Variants in CCDC185 observed in about 807,000 individuals in gnomAD.
CCDC185 encodes the protein coiled-coil domain containing 185.
For synonymous variants in CCDC185, 381 were observed against 348.1 expected, an observed-to-expected ratio of 1.09 and a Z score of -1.05; for missense variants, 982 against 825.3, an observed-to-expected ratio of 1.19 and a Z score of -2.33.
rs573602264 is a variant in CCDC185, at chr1:223,394,665, T to C, written c.1190T>C (p.Leu397Pro). 5 of 1,612,846 alleles carry C rather than the reference T, an allele frequency of 3.1e-6. No homozygotes were observed. In the African/African-American group the frequency reaches 6.7e-5, roughly 22 times the overall value. Reference sequence around the variant, plus strand: ...CTCCGGGAGCAGCACAGCCTGCAGCTGCAGAGGAGGCTGGTGGAAGCCTGT... The same window carrying C: ...CTCCGGGAGCAGCACAGCCTGCAGCCGCAGAGGAGGCTGGTGGAAGCCTGT... ...RNLREQHSLQ[L>P]QRRLVEACRK... Residue 397 changes from leucine to proline, a missense_variant, in exon 1 of 1, where the codon CTG (leucine) becomes CCG (proline). Coordinates refer to ENST00000366875, the MANE Select transcript of CCDC185 (RefSeq NM_152610.3).
rs1203437176 is a variant in CCDC185 at position 223,395,332 on chromosome 1, G to A, written c.1857G>A (p.Gln619=). Residue 619 remains glutamine, a synonymous_variant, in exon 1 of 1, where the codon CAG becomes CAA. Coordinates refer to ENST00000366875, the MANE Select transcript of CCDC185 (RefSeq NM_152610.3). ...VLEAQLRACQ[Q]NRGY Reference sequence around the variant, plus strand: ...AGGCCCAGCTCCGTGCCTGTCAGCAGAACAGGGGTTACTGAGAACCAAGGA... The same window carrying A: ...AGGCCCAGCTCCGTGCCTGTCAGCAAAACAGGGGTTACTGAGAACCAAGGA... 4 of 1,516,900 alleles carry A rather than the reference G, an allele frequency of 2.6e-6. No individual in the cohort carries two copies. The highest frequency in any genetic ancestry group is 2.6e-6 in the Non-Finnish European group (3 of 1,135,692). The allele number at this position is 1,516,900 out of a possible 1,614,324, so 94.0% of individuals were successfully genotyped here.
In CCDC185 at chr1:223,394,540, C is replaced by A; in HGVS notation, c.1065C>A (p.Ser355Arg). ...AGGAGCAACCAGAGGACCAGGAGAG[C>A]CCGCGCCAGGAGAAGCTGGAGAAGG... is the stretch of plus-strand genomic sequence containing the variant. ...RWKEQPEDQE[S>R]PRQEKLEKAR... The change falls in exon 1 of 1, where the codon AGC becomes AGA. Residue 355 changes from serine (S) to arginine (R), a missense_variant. Coordinates refer to ENST00000366875, the MANE Select transcript of CCDC185 (RefSeq NM_152610.3). 2.5e-6 allele frequency: 4 copies of A among 1,599,256 alleles called. No individual in the cohort carries two copies. The highest frequency in any genetic ancestry group is 1.1e-5 in the South Asian group (1 of 89,302).
In CCDC185 at chr1:223,393,896, G is replaced by A; in HGVS notation, c.421G>A (p.Ala141Thr). 1 of 1,611,014 alleles carries A rather than the reference G, an allele frequency of 6.2e-7. No individual in the cohort carries two copies. The highest frequency in any genetic ancestry group is 8.5e-7 in the Non-Finnish European group (1 of 1,179,150). Residue 141 changes from alanine (A) to threonine (T), a missense_variant, in exon 1 of 1, where the codon GCC becomes ACC. By Grantham distance (58) the Ala-to-Thr change is moderately conservative. Coordinates refer to ENST00000366875, the MANE Select transcript of CCDC185 (RefSeq NM_152610.3). The surrounding 1 kb of genome is among the most constrained non-coding windows in gnomAD (Gnocchi z 4.8). ...RPQPCPHYPL[A>T]QGDSPPPCPG... Reference sequence around the variant, plus strand: ...GCAGCCCTGCCCGCATTACCCTCTGGCCCAGGGAGACTCGCCCCCGCCTTG... The same window carrying A: ...GCAGCCCTGCCCGCATTACCCTCTGACCCAGGGAGACTCGCCCCCGCCTTG...
Position 223,395,072 on chromosome 1 carries a change from C to T in CCDC185, c.1597C>T (p.Arg533Trp), listed in dbSNP as rs769968225. ...KTTRDKVQHL[R>W]ELNHLREKNH... is the part of the protein sequence containing the mutation. ...CACTAGGGACAAGGTGCAGCACCTC[C>T]GGGAGCTCAACCACCTGAGGGAGAA... The change falls in exon 1 of 1, where the codon CGG (arginine) becomes TGG (tryptophan). Residue 533 changes from arginine (R) to tryptophan (W), a missense_variant. Transcript: ENST00000366875. 8.7e-6 allele frequency: 14 copies of T among 1,614,102 alleles called. No individual in the cohort carries two copies. The highest frequency in any genetic ancestry group is 1.6e-4 in the Middle Eastern group (1 of 6,062).
Position 223,394,823 on chromosome 1 carries a change from C to T in CCDC185, c.1348C>T (p.Leu450=), listed in dbSNP as rs1572167654. The stretch of plus-strand genomic sequence containing the variant: ...CAAGGCTGAGGAGCTCCTTAGGCAG[C>T]TGTCCCTGGAACAAAGTTTCCAGCG... ...QAKAEELLRQ[L]SLEQSFQRSQ... is the part of the protein sequence containing the mutation. The change falls in exon 1 of 1, where the codon CTG becomes TTG. Residue 450 remains leucine, a synonymous_variant. Coordinates refer to ENST00000366875, the MANE Select transcript of CCDC185 (RefSeq NM_152610.3). 1 of 1,613,702 alleles carries T rather than the reference C, an allele frequency of 6.2e-7. No homozygotes were observed. Among genetic ancestry groups the T allele is most frequent in the Non-Finnish European group, 8.5e-7 (1 of 1,179,716 alleles).
At position 223,394,997 on chromosome 1, in the gene CCDC185, G is replaced by A; in HGVS notation, c.1522G>A (p.Glu508Lys). 1 of 1,614,062 alleles carries A rather than the reference G, an allele frequency of 6.2e-7. No individual in the cohort carries two copies. The highest frequency in any genetic ancestry group is 8.5e-7 in the Non-Finnish European group (1 of 1,180,008). The change falls in exon 1 of 1, where the codon GAG becomes AAG. Residue 508 changes from glutamate (E) to lysine (K), a missense_variant. By Grantham distance (56) the Glu-to-Lys change is moderately conservative (BLOSUM62 1). Coordinates refer to ENST00000366875, the MANE Select transcript of CCDC185 (RefSeq NM_152610.3). ...QRKMRKRILV[E>K]LADEKIRQAR... Reference sequence around the variant, plus strand: ...GAAGATGCGCAAAAGAATTCTGGTGGAGCTGGCGGATGAGAAGATCCGACA... The same window carrying A: ...GAAGATGCGCAAAAGAATTCTGGTGAAGCTGGCGGATGAGAAGATCCGACA...
Position 223,395,154 on chromosome 1 carries a change from G to A in CCDC185, c.1679G>A (p.Gly560Asp), listed in dbSNP as rs746127816. ...AAGGAGGAAAAGTGTCACATTGAGG[G>A]CATCAAGGAGGCCATTAAGAAAAAG... ...AEKEEKCHIE[G>D]IKEAIKKKEQ... The change falls in exon 1 of 1, where the codon GGC (glycine) becomes GAC (aspartate). Residue 560 changes from glycine (G) to aspartate (D), a missense_variant. By Grantham distance (94) the Gly-to-Asp change is moderately conservative. Coordinates refer to ENST00000366875, the MANE Select transcript of CCDC185 (RefSeq NM_152610.3). 8 of 1,613,958 alleles carry A rather than the reference G, an allele frequency of 5.0e-6. 1 individual carries two copies. In the South Asian group the frequency reaches 5.5e-5, roughly 11 times the overall value.
In CCDC185 at chr1:223,394,754, C is replaced by G. The variant is rs1424517330; in HGVS notation, c.1279C>G (p.Leu427Val). 2 of 1,612,058 alleles carry G rather than the reference C, an allele frequency of 1.2e-6. No individual in the cohort carries two copies. The highest frequency in any genetic ancestry group is 1.7e-6 in the Non-Finnish European group (2 of 1,178,742). The change falls in exon 1 of 1, where the codon CTC (leucine) becomes GTC (valine). Residue 427 changes from leucine (L) to valine (V), a missense_variant. By Grantham distance (32) the Leu-to-Val change is conservative. Coordinates refer to ENST00000366875, the MANE Select transcript of CCDC185 (RefSeq NM_152610.3). ...KKVQDTNLSSLINYQARKVLM... is the reference protein window; with the variant it reads ...KKVQDTNLSSVINYQARKVLM... ...GGTCCAGGACACCAACCTGAGCTCC[C>G]TCATCAATTACCAGGCCCGGAAGGT...
rs1408264347 is a variant in CCDC185, at chr1:223,394,685, G to A, written c.1210G>A (p.Ala404Thr). The change falls in exon 1 of 1, where the codon GCC becomes ACC. Residue 404 changes from alanine to threonine, a missense_variant. By Grantham distance (58) the Ala-to-Thr change is moderately conservative (BLOSUM62 0). Transcript: ENST00000366875. ...SLQLQRRLVE[A>T]CRKRHLHAVE... ...GCAGCTGCAGAGGAGGCTGGTGGAA[G>A]CCTGTCGCAAGAGGCACCTACATGC... is the stretch of plus-strand genomic sequence containing the variant. 4.3e-6 allele frequency: 7 copies of A among 1,612,448 alleles called. No homozygotes were observed. The highest frequency in any genetic ancestry group is 5.9e-6 in the Non-Finnish European group (7 of 1,179,696).
Position 223,393,590 on chromosome 1 carries a change from G to C in CCDC185, c.115G>C (p.Asp39His), listed in dbSNP as rs369050079. The C allele has an allele frequency of 2.4e-5, 36 of 1,531,558 alleles. No individual in the cohort carries two copies. Among genetic ancestry groups the C allele is most frequent in the Middle Eastern group, 4.1e-4 (2 of 4,904 alleles). The allele number at this position is 1,531,558 out of a possible 1,614,324, so 94.9% of individuals were successfully genotyped here. ...QRLGGQRSGA[D>H]STACSRAGTP... Reference sequence around the variant, plus strand: ...GCTGGGCGGGCAGAGGTCCGGAGCCGACTCCACCGCGTGCTCCCGGGCCGG... The same window carrying C: ...GCTGGGCGGGCAGAGGTCCGGAGCCCACTCCACCGCGTGCTCCCGGGCCGG... The change falls in exon 1 of 1, where the codon GAC becomes CAC. Residue 39 changes from aspartate (D) to histidine (H), a missense_variant. By Grantham distance (81) the Asp-to-His change is moderately conservative (BLOSUM62 -1). Coordinates refer to ENST00000366875, the MANE Select transcript of CCDC185 (RefSeq NM_152610.3). This position sits in a 1 kb window ranked among gnomAD's most constrained non-coding sequence, Gnocchi z 4.8.
In CCDC185 at chr1:223,394,244, C is replaced by G. The variant is rs556677048; in HGVS notation, c.769C>G (p.Gln257Glu). Residue 257 changes from glutamine to glutamate, a missense_variant, in exon 1 of 1, where the codon CAG (glutamine) becomes GAG (glutamate). By Grantham distance (29) the Gln-to-Glu change is conservative (BLOSUM62 2). Coordinates refer to ENST00000366875, the MANE Select transcript of CCDC185 (RefSeq NM_152610.3). ...AGAGGTGGTGGTGTCCTCCCAGGAC[C>G]AGCAGATTGTGGCCCTGGTGCTGAC... ...LEEVVVSSQD[Q>E]QIVALVLTRL... is the part of the protein sequence containing the mutation. 1.9e-6 allele frequency: 3 copies of G among 1,613,808 alleles called. No individual in the cohort carries two copies. Among genetic ancestry groups the G allele is most frequent in the South Asian group, 1.1e-5 (1 of 91,082 alleles).
rs141815889 is a variant in CCDC185, at chr1:223,394,796, G to A, written c.1321G>A (p.Ala441Thr). The change falls in exon 1 of 1, where the codon GCC becomes ACC. Residue 441 changes from alanine (A) to threonine (T), a missense_variant. Coordinates refer to ENST00000366875, the MANE Select transcript of CCDC185 (RefSeq NM_152610.3). ...CCGGAAGGTCCTCATGGACTGCCAGGCCAAGGCTGAGGAGCTCCTTAGGCA... is the reference window on the plus strand; with the variant it reads ...CCGGAAGGTCCTCATGGACTGCCAGACCAAGGCTGAGGAGCTCCTTAGGCA... ...QARKVLMDCQAKAEELLRQLS... is the reference protein window; with the variant it reads ...QARKVLMDCQTKAEELLRQLS... 120 of 1,613,402 alleles carry A rather than the reference G, an allele frequency of 7.4e-5. No individual in the cohort carries two copies. The Middle Eastern group carries it at 8.3e-4, about 11-fold the overall frequency.
the CCDC185 span, chr1:223,394,559 G>T: frequency 6.2e-7 from 1 of 1,604,860 alleles, no homozygotes. Flanking sequence ...GGAGAAGCTG[G>T]AGAAGGCGCG....
In CCDC185 at chr1:223,394,607, C is replaced by T. The variant is rs149573575; in HGVS notation, c.1132C>T (p.Arg378Cys). ...GCACCGAAAACAGTGCCAGGTGCGG[C>T]GCCTGCGGGAGCAGGAGAAGATGCT... The part of the protein sequence containing the change: ...AEHRKQCQVR[R>C]LREQEKMLRN... Residue 378 changes from arginine to cysteine, a missense_variant, in exon 1 of 1, where the codon CGC (arginine) becomes TGC (cysteine). Transcript: ENST00000366875. 5.0e-6 allele frequency: 8 copies of T among 1,612,292 alleles called. No individual in the cohort carries two copies. Among genetic ancestry groups the T allele is most frequent in the African/African-American group, 1.3e-5 (1 of 75,010 alleles).
chr1:223,394,497 C>A lies in CCDC185; in HGVS notation c.1022C>A (p.Pro341Gln), dbSNP rs764777306. ...GACAGCCAGAGGAAGAACGTGCCCC[C>A]GGGGGAAAGCCGGTGGAAGGAGCAA... The part of the protein sequence containing the change: ...RRDSQRKNVP[P>Q]GESRWKEQPE... The change falls in exon 1 of 1, where the codon CCG becomes CAG. Residue 341 changes from proline to glutamine, a missense_variant. Transcript: ENST00000366875. 4 of 1,584,676 alleles carry A rather than the reference C, an allele frequency of 2.5e-6. No homozygotes were observed. The highest frequency in any genetic ancestry group is 4.6e-5 in the East Asian group (2 of 43,250).
rs138307328 is a variant in CCDC185 at position 223,394,544 on chromosome 1, C to A, written c.1069C>A (p.Arg357Ser). ...KEQPEDQESP[R>S]QEKLEKARAQ... is the part of the protein sequence containing the mutation. Reference sequence around the variant, plus strand: ...GCAACCAGAGGACCAGGAGAGCCCGCGCCAGGAGAAGCTGGAGAAGGCGCG... The same window carrying A: ...GCAACCAGAGGACCAGGAGAGCCCGAGCCAGGAGAAGCTGGAGAAGGCGCG... Residue 357 changes from arginine to serine, a missense_variant, in exon 1 of 1, where the codon CGC (arginine) becomes AGC (serine). Arg to Ser is a moderately radical substitution (Grantham distance 110). Coordinates refer to ENST00000366875, the MANE Select transcript of CCDC185 (RefSeq NM_152610.3). 1 of 1,600,786 alleles carries A rather than the reference C, an allele frequency of 6.2e-7. No homozygotes were observed. The highest frequency in any genetic ancestry group is 8.5e-7 in the Non-Finnish European group (1 of 1,174,164).
the CCDC185 span, chr1:223,393,640 T>TG: frequency 6.5e-7 from 1 of 1,535,488 alleles, no homozygotes; most frequent in East Asian, 2.3e-5. This position sits in a 1 kb window ranked among gnomAD's most constrained non-coding sequence, Gnocchi z 4.8. Context: ...AGAGCGAAGC[T>TG]GGGGCGTGCT....
Position 223,395,319 on chromosome 1 carries a change from G to C in CCDC185, c.1844G>C (p.Arg615Pro), listed in dbSNP as rs1359211119. The change falls in exon 1 of 1, where the codon CGT (arginine) becomes CCT (proline). Residue 615 changes from arginine (R) to proline (P), a missense_variant. Coordinates refer to ENST00000366875, the MANE Select transcript of CCDC185 (RefSeq NM_152610.3). ...CAGATGGTACTAGAGGCCCAGCTCCGTGCCTGTCAGCAGAACAGGGGTTAC... is the reference window on the plus strand; with the variant it reads ...CAGATGGTACTAGAGGCCCAGCTCCCTGCCTGTCAGCAGAACAGGGGTTAC... Reference protein sequence around the residue: ...LDQMVLEAQLRACQQNRGY With the variant: ...LDQMVLEAQLPACQQNRGY 1 of 1,523,194 alleles carries C rather than the reference G, an allele frequency of 6.6e-7. No homozygotes were observed. The highest frequency in any genetic ancestry group is 8.8e-7 in the Non-Finnish European group (1 of 1,139,228). The allele number at this position is 1,523,194 out of a possible 1,614,324, so 94.4% of individuals were successfully genotyped here.
Position 223,394,044 on chromosome 1 carries a change from C to T in CCDC185, c.569C>T (p.Ser190Leu), listed in dbSNP as rs769134926. The T allele has an allele frequency of 5.0e-6, 8 of 1,614,174 alleles. No homozygotes were observed. Among genetic ancestry groups the T allele is most frequent in the South Asian group, 1.1e-5 (1 of 91,088 alleles). ...CGCTGGTCCCCTTCCTCAGTTCCCT[C>T]GGAGCGGTCTTCTGTGCCCTCGCAA... ...LGRWSPSSVPSERSSVPSQKF... is the reference protein window; with the variant it reads ...LGRWSPSSVPLERSSVPSQKF... Residue 190 changes from serine to leucine, a missense_variant, in exon 1 of 1, where the codon TCG (serine) becomes TTG (leucine). Transcript: ENST00000366875.
Sources: gnomAD v4.1 joint callset for allele counts on GRCh38, gnomAD v4.1.1 for gene constraint, Gnocchi (gnomAD v3.1) non-coding constraint, MANE v1.5 for transcripts, NCBI Gene and HGNC (gene_info 2026-07-23, HGNC 2026-07-21) for gene names.